The following MSI2 variants were observed in gnomAD, a reference collection of about 807,000 sequenced individuals.
MSI2 encodes the protein musashi RNA binding protein 2, also known as RNA-binding protein Musashi homolog 2.
In MSI2, 17 loss-of-function variants were observed where a neutral mutation model predicts 45.6. That is an observed-to-expected ratio of 0.37 (90% CI 0.26 to 0.56). The LOEUF is 0.56. Among genes scored for constraint, MSI2 ranks in the 20% least tolerant of loss-of-function variants. The probability of loss-of-function intolerance (pLI) is 0.77; values close to 1 mark genes in which losing one functional copy is unlikely to be tolerated. For missense variants in MSI2, 293 were observed against 444.2 expected (o/e 0.66, Z 3.06); for synonymous variants, 156 against 158.2 (o/e 0.99, Z 0.11).
intron 6 of MSI2, among the ~76,000 whole-genome samples, chr17:57,440,154 C>A (rs1405021749): frequency 6.6e-6 from 1 of 152,056 alleles, no homozygotes; most frequent in African/African-American, 2.4e-5. Context: ...GGAGGCAGGG[C>A]TTGTTCTGAA....
At chr17:57,271,462 A>G (rs1193471112) in intron 5 of MSI2, among the ~76,000 whole-genome samples, 1 of 152,132 alleles carries the variant, frequency 6.6e-6, no homozygotes, top group South Asian at 2.1e-4. Context: ...TTTCTGTTTC[A>G]ATTATGTGAC....
chr17:57,415,643 C>A (rs1394376120), intron 6 of MSI2, among the ~76,000 whole-genome samples: 2 of 152,124 alleles, frequency 1.3e-5, no homozygotes, highest in Admixed American at 6.6e-5. Flanking sequence ...CATTCCCTTT[C>A]TGCTCCCCAT....
rs919872592 is a variant in MSI2, at chr17:57,616,262, G to GGTGT, written c.652+188_652+191dup. 349 of 557,914 alleles carry GGTGT rather than the reference G, an allele frequency of 6.3e-4. 1 individual carries two copies. Among genetic ancestry groups the GGTGT allele is most frequent in the African/African-American group, 6.0e-3 (311 of 52,194 alleles). 34.6% of individuals were successfully genotyped at this position (557,914 alleles called of 1,614,324 possible). ...AAGACAGTTGTGATGATTAAGTGTG[G>GGTGT]GTGTGTGTGTGTGCATGCATGTGTG... On this transcript the variant is annotated intron_variant, in intron 9 of 13. Coordinates refer to ENST00000284073, the MANE Select transcript of MSI2 (RefSeq NM_138962.4).
chr17:57,551,076 T>C (rs2087292588), intron 7 of MSI2, among the ~76,000 whole-genome samples: 1 of 152,186 alleles, frequency 6.6e-6, no homozygotes, highest in Admixed American at 6.5e-5. Flanking sequence ...CGGTGCTTTT[T>C]TGAAAGGAGT....
At chr17:57,339,950 G>A (rs990122593) in intron 5 of MSI2, among the ~76,000 whole-genome samples, 7 of 152,148 alleles carry the variant, frequency 4.6e-5, no homozygotes, top group Non-Finnish European at 7.3e-5. Flanking sequence ...ATCAGTGACC[G>A]GGAATGGAAC....
chr17:57,628,952 G>A (rs1909083262), intron 10 of MSI2: 1 of 153,232 alleles, frequency 6.5e-6, no homozygotes, highest in African/African-American at 2.4e-5. Context: ...TCCAGGCAGA[G>A]ACCCCCACCA....
chr17:57,318,631 A>C (rs1180739502), intron 5 of MSI2, among the ~76,000 whole-genome samples: 1 of 151,282 alleles, frequency 6.6e-6, no homozygotes, highest in Non-Finnish European at 1.5e-5. Flanking sequence ...CGGGTCTGAA[A>C]AGGTGCCTGT....
intron 6 of MSI2, chr17:57,406,943 A>G (rs1358069378): frequency 2.0e-5 from 3 of 152,076 alleles, no homozygotes; most frequent in African/African-American, 7.3e-5. Flanking sequence ...CCAGCCCCTC[A>G]CTGTGGTGGC....
chr17:57,384,800 A>G (rs557093144), intron 5 of MSI2, among the ~76,000 whole-genome samples: 3 of 152,220 alleles, frequency 2.0e-5, no homozygotes, highest in Admixed American at 6.5e-5. Context: ...ATTTAGTCTG[A>G]TCTTTCTCTT....
intron 5 of MSI2, among the ~76,000 whole-genome samples, chr17:57,383,656 G>A (rs773607316): frequency 3.3e-5 from 5 of 150,588 alleles, no homozygotes; most frequent in Non-Finnish European, 7.4e-5. Context: ...GCAAGACTCC[G>A]TCTAAAAAAA....
At chr17:57,311,086 C>T (rs188277804) in intron 5 of MSI2, among the ~76,000 whole-genome samples, 1 of 152,342 alleles carries the variant, frequency 6.6e-6, no homozygotes, top group East Asian at 1.9e-4. Flanking sequence ...AGTAGATGCT[C>T]AATATGTGGT....
chr17:57,691,242 T>TCTAC, the MSI2 span, among the ~76,000 whole-genome samples: 1 of 149,498 alleles, frequency 6.7e-6, no homozygotes, highest in Non-Finnish European at 1.5e-5. Flanking sequence ...TATCTATCTA[T>TCTAC]ATTGCCATAC....
intron 10 of MSI2, among the ~76,000 whole-genome samples, chr17:57,643,839 G>A (rs936506699): frequency 1.3e-5 from 2 of 152,164 alleles, no homozygotes; most frequent in African/African-American, 4.8e-5. Context: ...TGTGTTTTAG[G>A]AACTAACACC....
intron 6 of MSI2, among the ~76,000 whole-genome samples, chr17:57,468,755 C>T (rs2085377898): frequency 6.6e-6 from 1 of 151,984 alleles, no homozygotes; most frequent in African/African-American, 2.4e-5. Flanking sequence ...CTGCCCAGAA[C>T]GCGGGTCTCT....
intron 5 of MSI2, among the ~76,000 whole-genome samples, chr17:57,379,781 C>A (rs112056476): frequency 3.2e-4 from 48 of 152,222 alleles, no homozygotes; most frequent in African/African-American, 1.0e-3. Context: ...GTTCAGCACC[C>A]GGTCAGCTCT....
chr17:57,612,262 A>G lies in MSI2; in HGVS notation c.538-3708A>G, dbSNP rs1907251785. 2.1e-5 allele frequency among the ~76,000 whole-genome samples: 2 copies of G among 95,376 alleles called. 1 individual carries two copies. The highest frequency in any genetic ancestry group is 5.0e-5 in the Non-Finnish European group (2 of 39,770). The allele number at this position is 95,376 out of a possible 152,430, so 62.6% of individuals were successfully genotyped here. ...GAGCCTCTTCTTTTTCAATACAATG[A>G]GAGCTCTCAGAGAGGTGGAGGCTTT... On this transcript the variant is annotated intron_variant, in intron 8 of 13. Coordinates refer to ENST00000284073, the MANE Select transcript of MSI2 (RefSeq NM_138962.4).
intron 5 of MSI2, among the ~76,000 whole-genome samples, chr17:57,357,369 G>T (rs974470834): frequency 3.9e-5 from 6 of 152,030 alleles, no homozygotes; most frequent in African/African-American, 1.4e-4. Context: ...ACAACATTAG[G>T]AAGTGGGTGG....
At chr17:57,583,160 A>G (rs151318992) in intron 7 of MSI2, among the ~76,000 whole-genome samples, 1 of 152,126 alleles carries the variant, frequency 6.6e-6, no homozygotes, top group African/African-American at 2.4e-5. Context: ...ATTATCTCCA[A>G]TCCATGTTTT....
At chr17:57,423,477 C>G (rs1022991688) in intron 6 of MSI2, among the ~76,000 whole-genome samples, 4 of 152,194 alleles carry the variant, frequency 2.6e-5, no homozygotes, top group Admixed American at 2.6e-4. Flanking sequence ...CTCTTCCAGC[C>G]CTGTAGCTGC....
Sources: gnomAD v4.1 joint callset for allele counts (sites outside exome capture counted in the v4.1 genomes callset) on GRCh38, gnomAD v4.1.1 for gene constraint, MANE v1.5 for transcripts, NCBI Gene and HGNC (gene_info 2026-07-23, HGNC 2026-07-21) for gene names.